SMG6: variants seen among roughly 807,000 people sequenced by gnomAD.
SMG6 encodes the protein SMG6 nonsense mediated mRNA decay factor.
In SMG6, 66 loss-of-function variants were observed where a neutral mutation model predicts 142.2. The observed-to-expected ratio is 0.46, with a 90% CI of 0.38 to 0.57. SMG6 has a LOEUF of 0.57. Ranked by LOEUF, SMG6 falls within the 20% of genes least tolerant of loss-of-function variation. SMG6 has a pLI of 0.00. For missense variants in SMG6, 1,793 were observed against 1,832.0 expected, an observed-to-expected ratio of 0.98 and a Z score of 0.39; for synonymous variants, 779 against 702.4, an observed-to-expected ratio of 1.11 and a Z score of -1.72.
intron 10 of SMG6, among the ~76,000 whole-genome samples, chr17:2,201,977 T>C (rs1460928503): frequency 6.6e-6 from 1 of 151,756 alleles, no homozygotes; most frequent in African/African-American, 2.4e-5. Flanking sequence ...TGAGCTGAGA[T>C]CATGCCGCTG....
At chr17:2,222,649 T>C (rs574928830) in intron 10 of SMG6, among the ~76,000 whole-genome samples, 2 of 150,536 alleles carry the variant, frequency 1.3e-5, no homozygotes, top group African/African-American at 4.9e-5. Context: ...GTGAAGGATT[T>C]TGAACACAGC....
chr17:2,296,949 C>T (rs191399885), intron 4 of SMG6, among the ~76,000 whole-genome samples: 1 of 150,362 alleles, frequency 6.7e-6, no homozygotes, highest in African/African-American at 2.5e-5. Context: ...TTACAGTGAG[C>T]CAAGATCAAA....
intron 8 of SMG6, among the ~76,000 whole-genome samples, chr17:2,267,171 C>G (rs572903482): frequency 6.6e-6 from 1 of 152,232 alleles, no homozygotes; most frequent in East Asian, 1.9e-4. Flanking sequence ...CTCACAAAAA[C>G]CCTAAAAAAT....
Position 2,085,880 on chromosome 17 carries a change from T to G in SMG6, c.3379A>C (p.Arg1127=). The change falls in exon 14 of 19, where the codon AGG becomes CGG. Residue 1127 remains arginine, a synonymous_variant. Coordinates refer to ENST00000263073, the MANE Select transcript of SMG6 (RefSeq NM_017575.5). This position sits in a 1 kb window ranked among gnomAD's most constrained non-coding sequence, Gnocchi z 4.1. ...AGAAAATACTTCAGCACTGTGACCC[T>G]TTTGCAGTCAGCTGCAATAACCTAC... ...SDKVIAADCK[R]VTVLKYFLEA... is the part of the protein sequence containing the mutation. 4 of 1,613,976 alleles carry G rather than the reference T, an allele frequency of 2.5e-6. No individual in the cohort carries two copies. The highest frequency in any genetic ancestry group is 3.4e-6 in the Non-Finnish European group (4 of 1,179,898).
rs748739928 is a variant in SMG6 at position 2,300,268 on chromosome 17, C to T, written c.485G>A (p.Arg162Gln). Residue 162 changes from arginine (R) to glutamine (Q), a missense_variant, in exon 2 of 19, where the codon CGG becomes CAG. Coordinates refer to ENST00000263073, the MANE Select transcript of SMG6 (RefSeq NM_017575.5). The part of the protein sequence containing the change: ...LQTVSKESAS[R>Q]VEEEEVLNQV... ...GTTGAGGACTTCTTCCTCCTCCACC[C>T]GACTGGCGGATTCTTTGCTAACAGT... 2.1e-5 allele frequency: 34 copies of T among 1,614,026 alleles called. No individual in the cohort carries two copies. Among genetic ancestry groups the T allele is most frequent in the Admixed American group, 5.0e-5 (3 of 59,986 alleles).
intron 8 of SMG6, among the ~76,000 whole-genome samples, chr17:2,248,675 G>A (rs531440220): frequency 9.9e-5 from 15 of 152,214 alleles, no homozygotes; most frequent in South Asian, 4.1e-4. Context: ...GAGAACCACC[G>A]CTTTATTTTT....
chr17:2,250,927 C>T (rs1425896335), intron 8 of SMG6, among the ~76,000 whole-genome samples: 5 of 152,162 alleles, frequency 3.3e-5, no homozygotes, highest in African/African-American at 1.2e-4. Flanking sequence ...CCCTGCGCTC[C>T]TATGCTGGGC....
In SMG6 at chr17:2,209,039, T is replaced by C. The variant is rs2072771557; in HGVS notation, c.2870-20524A>G. 2.0e-5 allele frequency among the ~76,000 whole-genome samples: 3 copies of C among 151,966 alleles called. No homozygotes were observed. In the South Asian group the frequency reaches 6.2e-4, roughly 32 times the overall value. The stretch of plus-strand genomic sequence containing the variant: ...AATTAGCTGGGCATGGTAGCATGTG[T>C]CTGTGGTCCCAGATACTGGGGAGGT... On this transcript the variant is annotated intron_variant, in intron 10 of 18. Transcript: ENST00000263073.
At chr17:2,105,723 C>T (rs1177412430) in intron 13 of SMG6, among the ~76,000 whole-genome samples, 1 of 152,144 alleles carries the variant, frequency 6.6e-6, no homozygotes. Context: ...TCTCAGGATA[C>T]CTGCCCTAAA....
intron 8 of SMG6, among the ~76,000 whole-genome samples, chr17:2,271,161 C>A (rs2151357276): frequency 6.7e-6 from 1 of 148,198 alleles, no homozygotes; most frequent in Admixed American, 6.8e-5. Context: ...ACAACCCAGG[C>A]TGGAGTGCAG....
chr17:2,088,869 C>T (rs2068638222), intron 13 of SMG6: 2 of 983,798 alleles, frequency 2.0e-6, no homozygotes, highest in African/African-American at 1.7e-5. Context: ...GGGAGAGGAC[C>T]ACCGCTCTCT....
chr17:2,172,974 C>A, intron 12 of SMG6, 115 bp from the exon 13 acceptor site: 1 of 1,025,362 alleles, frequency 9.8e-7, no homozygotes, highest in Non-Finnish European at 1.4e-6. Flanking sequence ...AGGCTGGCAT[C>A]TGCCAGGAAA....
At chr17:2,064,771 CG>C (rs1331422469) in intron 18 of SMG6, among the ~76,000 whole-genome samples, 1 of 151,618 alleles carries the variant, frequency 6.6e-6, no homozygotes, top group Admixed American at 6.6e-5. Flanking sequence ...TGCTGTCAGA[CG>C]GAACTCACTG....
chr17:2,127,371 A>G, intron 13 of SMG6: 1 of 605,780 alleles, frequency 1.7e-6, no homozygotes, highest in Non-Finnish European at 3.2e-6. Context: ...TGTACACTTA[A>G]GAAATGGTTG....
At chr17:2,115,140 G>A (rs1297305856) in intron 13 of SMG6, among the ~76,000 whole-genome samples, 1 of 151,930 alleles carries the variant, frequency 6.6e-6, no homozygotes, top group Non-Finnish European at 1.5e-5. Flanking sequence ...AGGAGGATGG[G>A]TTCTAATAAA....
chr17:2,088,261 G>A (rs2068620148), intron 13 of SMG6: 1 of 985,444 alleles, frequency 1.0e-6, no homozygotes. Flanking sequence ...CTGGCCGACA[G>A]GGAGAAAAGC....
intron 13 of SMG6, among the ~76,000 whole-genome samples, chr17:2,154,183 G>A (rs1380833504): frequency 2.0e-5 from 3 of 149,958 alleles, no homozygotes; most frequent in Non-Finnish European, 3.0e-5. Flanking sequence ...AGAGTGTGAC[G>A]GTGACGGGGG....
chr17:2,217,988 C>T (rs564013703), intron 10 of SMG6, among the ~76,000 whole-genome samples: 7 of 150,730 alleles, frequency 4.6e-5, no homozygotes, highest in East Asian at 2.0e-4. Context: ...CCAGCTTGGG[C>T]GACACAGCGA....
chr17:2,297,926 G>A lies in SMG6; in HGVS notation c.1977C>T (p.Val659=). 1 of 1,613,192 alleles carries A rather than the reference G, an allele frequency of 6.2e-7. No individual in the cohort carries two copies. The stretch of plus-strand genomic sequence containing the variant: ...CTGGGTTCTCAACATTCGGATCCTT[G>A]ACAAGTTGCCTGAACTTCTCAATCA... ...YQVIEKFRQL[V]KDPNVENPEQ... The change falls in exon 3 of 19, where the codon GTC becomes GTT. Residue 659 remains valine, a synonymous_variant. Coordinates refer to ENST00000263073, the MANE Select transcript of SMG6 (RefSeq NM_017575.5).
Sources: gnomAD v4.1 joint callset for allele counts (sites outside exome capture counted in the v4.1 genomes callset) on GRCh38, gnomAD v4.1.1 for gene constraint, Gnocchi (gnomAD v3.1) non-coding constraint, MANE v1.5 for transcripts, NCBI Gene and HGNC (gene_info 2026-07-23, HGNC 2026-07-21) for gene names.